Variants in TBC1D13 observed in about 807,000 individuals in gnomAD.
TBC1D13 encodes epididymis secretory sperm binding protein.
TBC1D13 carries 40 observed loss-of-function variants against 53.6 expected under a neutral mutation model. That is an observed-to-expected ratio of 0.75 (90% CI 0.58 to 0.97). The LOEUF (loss-of-function observed/expected upper bound fraction) is 0.97. TBC1D13 is among the 50% of genes least tolerant of loss of function. The probability of loss-of-function intolerance (pLI) is 0.00; values close to 1 mark genes in which losing one functional copy is unlikely to be tolerated. For synonymous variants in TBC1D13, 182 were observed against 197.7 expected (o/e 0.92, Z 0.67); for missense variants, 377 against 499.4 (o/e 0.75, Z 2.34).
intron 2 of TBC1D13, among the ~76,000 whole-genome samples, chr9:128,790,504 G>A (rs1829511665): frequency 6.6e-6 from 1 of 152,200 alleles, no homozygotes; most frequent in Non-Finnish European, 1.5e-5. Context: ...AACTCGGGAG[G>A]CGGAGGCTGC....
Position 128,787,265 on chromosome 9 carries a change from G to A in TBC1D13, c.-89G>A. 8.1e-7 allele frequency: 1 copy of A among 1,229,832 alleles called. No individual in the cohort carries two copies. Among genetic ancestry groups the A allele is most frequent in the Non-Finnish European group, 1.0e-6 (1 of 972,244 alleles). The allele number at this position is 1,229,832 out of a possible 1,614,324, so 76.2% of individuals were successfully genotyped here. A position where few individuals can be genotyped will look rare whatever the true frequency, so the allele number is the denominator to read the frequency against. ...GCCGGAGGCTTTTGCGCAGAGCCCC[G>A]CGTCCCTGGGGGGCGGCGGCGGCGG... On this transcript the variant is annotated 5_prime_UTR_variant, in exon 1 of 12. Transcript: ENST00000372648.
At chr9:128,792,402 C>G (rs1420438428) in intron 5 of TBC1D13, 90 bp from the exon 6 acceptor site, 2 of 1,134,162 alleles carry the variant, frequency 1.8e-6, no homozygotes, top group Non-Finnish European at 2.6e-6. Flanking sequence ...GGGATTGTTG[C>G]AGCAAGGCCA....
chr9:128,798,240 G>A (rs1285125959), intron 7 of TBC1D13, among the ~76,000 whole-genome samples: 1 of 151,240 alleles, frequency 6.6e-6, no homozygotes, highest in Non-Finnish European at 1.5e-5. Context: ...GTGACAAAAC[G>A]AGACCCTGTC....
intron 3 of TBC1D13, 101 bp from the exon 4 acceptor site, chr9:128,791,279 G>A: frequency 8.7e-7 from 1 of 1,145,092 alleles, no homozygotes; most frequent in Non-Finnish European, 1.3e-6. Context: ...TGTCTTCTTG[G>A]GACTTTATGA....
chr9:128,805,407 G>C (rs997979119), intron 9 of TBC1D13, among the ~76,000 whole-genome samples: 1 of 152,158 alleles, frequency 6.6e-6, no homozygotes, highest in Non-Finnish European at 1.5e-5. Context: ...CTGACCAGAA[G>C]GCTTGTCTCT....
chr9:128,798,352 A>G (rs1409465144), intron 7 of TBC1D13, among the ~76,000 whole-genome samples: 1 of 152,134 alleles, frequency 6.6e-6, no homozygotes, highest in East Asian at 1.9e-4. Flanking sequence ...CAGGGAGGCC[A>G]CGGGGTGGCT....
chr9:128,803,983 G>C lies in TBC1D13; in HGVS notation c.782G>C (p.Cys261Ser). The C allele has an allele frequency of 6.2e-7, 1 of 1,613,560 alleles. No individual in the cohort carries two copies. The highest frequency in any genetic ancestry group is 1.1e-5 in the South Asian group (1 of 91,048). ...KEHAEADTFF[C>S]FTNLMAEIRD... Reference sequence around the variant, plus strand: ...CACGCCGAGGCAGACACCTTTTTCTGCTTCACCAACCTCATGGCCGAGATC... The same window carrying C: ...CACGCCGAGGCAGACACCTTTTTCTCCTTCACCAACCTCATGGCCGAGATC... Residue 261 changes from cysteine to serine, a missense_variant, in exon 9 of 12, where the codon TGC (cysteine) becomes TCC (serine). By Grantham distance (112) the Cys-to-Ser change is moderately radical. Transcript: ENST00000372648.
At chr9:128,807,011 C>T (rs913929200) in intron 11 of TBC1D13, among the ~76,000 whole-genome samples, 22 of 152,036 alleles carry the variant, frequency 1.4e-4, no homozygotes, top group African/African-American at 5.3e-4. Context: ...CTGTGCTCAT[C>T]ATGTGACCCA....
At chr9:128,787,980 G>A (rs558505507) in intron 1 of TBC1D13, among the ~76,000 whole-genome samples, 127 of 152,272 alleles carry the variant, frequency 8.3e-4, no homozygotes, top group African/African-American at 3.0e-3. Flanking sequence ...GTGGCTGTGC[G>A]TGGACCCGGC....
In TBC1D13 at chr9:128,787,288, C is replaced by T; in HGVS notation, c.-66C>T. On this transcript the variant is annotated 5_prime_UTR_variant, in exon 1 of 12. Transcript: ENST00000372648. ...CCGCGTCCCTGGGGGGCGGCGGCGG[C>T]GGCGGCAGCGCAGGCGGCAGAGGCG... 1 of 1,251,368 alleles carries T rather than the reference C, an allele frequency of 8.0e-7. No individual in the cohort carries two copies. 77.5% of individuals were successfully genotyped at this position (1,251,368 alleles called of 1,614,324 possible).
chr9:128,793,854 G>A (rs1010942975), intron 6 of TBC1D13, among the ~76,000 whole-genome samples: 2 of 152,236 alleles, frequency 1.3e-5, no homozygotes, highest in African/African-American at 4.8e-5. Context: ...CCTCCATTCA[G>A]CTCCTTCTCA....
chr9:128,803,918 G>T (rs746635124), intron 8 of TBC1D13, 38 bp from the exon 9 acceptor site: 1 of 1,608,306 alleles, frequency 6.2e-7, no homozygotes, highest in Non-Finnish European at 8.5e-7. Context: ...GGTGGGCCTG[G>T]AGTGCGCCAC....
intron 6 of TBC1D13, among the ~76,000 whole-genome samples, 183 bp from the exon 7 acceptor site, chr9:128,796,872 C>T (rs1033417474): frequency 7.9e-5 from 12 of 152,000 alleles, no homozygotes; most frequent in Non-Finnish European, 1.6e-4. Context: ...GGAGTTGGAG[C>T]TTGCAGTGAG....
chr9:128,804,734 T>TTTTTTTTTTTTG (rs1564426896), intron 9 of TBC1D13, among the ~76,000 whole-genome samples: 18 of 124,552 alleles, frequency 1.4e-4, no homozygotes, highest in South Asian at 2.7e-4. Context: ...TTTTTTTTTT[T>TTTTTTTTTTTTG]TTTTTTTTTT....
Position 128,790,718 on chromosome 9 carries a change from G to A in TBC1D13, c.98-17G>A. ...GACTCTGGCCTGGGGCATGACCTTT[G>A]CCTGCTGTGTCCACAGGCATCCCCT... On this transcript the variant is annotated splice_polypyrimidine_tract_variant and intron_variant, in intron 2 of 11. Coordinates refer to ENST00000372648, the MANE Select transcript of TBC1D13 (RefSeq NM_018201.5). The A allele has an allele frequency of 6.5e-7, 1 of 1,543,720 alleles. No individual in the cohort carries two copies. The highest frequency in any genetic ancestry group is 1.2e-5 in the South Asian group (1 of 81,892).
Position 128,792,357 on chromosome 9 carries a change from G to A in TBC1D13, c.301-135G>A, listed in dbSNP as rs936352837. ...CTGTGTTGGCTCCTCTGAGTATCTTGCAGGTGGTGTCAGGACCACACCTCA... is the reference window on the plus strand; with the variant it reads ...CTGTGTTGGCTCCTCTGAGTATCTTACAGGTGGTGTCAGGACCACACCTCA... On this transcript the variant is annotated intron_variant, in intron 5 of 11. Transcript: ENST00000372648. 8.7e-6 allele frequency: 6 copies of A among 689,096 alleles called. No homozygotes were observed. In the African/African-American group the frequency reaches 1.1e-4, roughly 12 times the overall value. The allele number at this position is 689,096 out of a possible 1,614,324, so 42.7% of individuals were successfully genotyped here.
At chr9:128,802,992 CCA>C (rs1027683743) in intron 7 of TBC1D13, among the ~76,000 whole-genome samples, 1 of 152,182 alleles carries the variant, frequency 6.6e-6, no homozygotes, top group African/African-American at 2.4e-5. Flanking sequence ...GCCTTGGCCT[CCA>C]AAAGTGCTGG....
intron 7 of TBC1D13, among the ~76,000 whole-genome samples, chr9:128,799,029 C>T (rs1355556627): frequency 6.6e-6 from 1 of 152,134 alleles, no homozygotes; most frequent in Admixed American, 6.6e-5. Context: ...TGACTTTGAT[C>T]GAAGCTCTGA....
At position 128,790,794 on chromosome 9, in the gene TBC1D13, G is replaced by C. The variant is rs765758635; in HGVS notation, c.138+19G>C. The C allele has an allele frequency of 3.2e-6, 5 of 1,558,758 alleles. No homozygotes were observed. The highest frequency in any genetic ancestry group is 2.2e-5 in the Admixed American group (1 of 45,398). On this transcript the variant is annotated intron_variant, in intron 3 of 11. Transcript: ENST00000372648. ...CTGGAAGGTGGGTGTGCCTGGGGTG[G>C]GGCTTCTGCTCTGCTGAGAGTCCCT...
Sources: allele counts gnomAD v4.1 joint callset (sites outside exome capture counted in the v4.1 genomes callset), GRCh38; gene constraint gnomAD v4.1.1; transcripts MANE v1.5; gene names NCBI Gene and HGNC (gene_info 2026-07-23, HGNC 2026-07-21).